TCF4: variants seen among roughly 807,000 people sequenced by gnomAD.
The protein encoded by TCF4 is transcription factor 4, also known as SL3-3 enhancer factor 2.
Under a neutral mutation model 82.1 loss-of-function variants are expected in TCF4, and 3 were observed. The observed-to-expected ratio is 0.04, with a 90% confidence interval of 0.02 to 0.09. The LOEUF is 0.09. Among genes scored for constraint, TCF4 ranks in the 10% least tolerant of loss-of-function variants. The pLI is 1.00. For missense variants in TCF4, 518 were observed against 852.7 expected (o/e 0.61, Z 4.89); for synonymous variants, 276 against 309.6 (o/e 0.89, Z 1.14).
At chr18:55,567,864 A>G (rs889305089) in intron 3 of TCF4, among the ~76,000 whole-genome samples, 1 of 152,224 alleles carries the variant, frequency 6.6e-6, no homozygotes, top group African/African-American at 2.4e-5. Flanking sequence ...ACAAATATCA[A>G]AGAACTGTTG....
Position 55,401,084 on chromosome 18 carries a change from T to G in TCF4, c.369+2370A>C, listed in dbSNP as rs2093788222. ...AGATACTGAGATTTTGCCTTTCTCT[T>G]TGGTTTGCATAGCTGATGTTGTAGA... On this transcript the variant is annotated intron_variant, in intron 6 of 19. Coordinates refer to ENST00000354452, the MANE Select transcript of TCF4 (RefSeq NM_001083962.2). The G allele has an allele frequency of 3.1e-6, 4 of 1,288,930 alleles. No individual in the cohort carries two copies. The South Asian group carries it at 4.9e-5, about 16-fold the overall frequency. 79.8% of individuals were successfully genotyped at this position (1,288,930 alleles called of 1,614,324 possible).
intron 12 of TCF4, among the ~76,000 whole-genome samples, chr18:55,260,439 G>T (rs2057801987): frequency 6.6e-6 from 1 of 152,138 alleles, no homozygotes; most frequent in African/African-American, 2.4e-5. Flanking sequence ...GCATCAGAAG[G>T]CCCAGATGAA....
At position 55,566,848 on chromosome 18, in the gene TCF4, G is replaced by A. The variant is rs139223038; in HGVS notation, c.145+18432C>T. On this transcript the variant is annotated intron_variant, in intron 3 of 19. Coordinates refer to ENST00000354452, the MANE Select transcript of TCF4 (RefSeq NM_001083962.2). ...GGAAATAAAAGCTGATAATTTTTCT[G>A]AATTGGAGGGAGACATGAAGCCACA... 1.4e-4 allele frequency among the ~76,000 whole-genome samples: 22 copies of A among 152,298 alleles called. No homozygotes were observed. In the East Asian group the frequency reaches 4.2e-3, roughly 29 times the overall value.
chr18:55,380,240 G>T (rs2145839976), intron 6 of TCF4, among the ~76,000 whole-genome samples: 1 of 152,010 alleles, frequency 6.6e-6, no homozygotes, highest in Non-Finnish European at 1.5e-5. Context: ...GAAGAGAGAA[G>T]GCTGGCTAGC....
At chr18:55,370,816 G>C (rs768983221) in intron 6 of TCF4, among the ~76,000 whole-genome samples, 4 of 152,202 alleles carry the variant, frequency 2.6e-5, no homozygotes, top group Non-Finnish European at 5.9e-5. Flanking sequence ...TATTAACTAA[G>C]AGCCAGTTAG....
chr18:55,368,064 A>G (rs1292930265), intron 6 of TCF4, among the ~76,000 whole-genome samples: 2 of 152,202 alleles, frequency 1.3e-5, no homozygotes, highest in Non-Finnish European at 2.9e-5. Flanking sequence ...AGCAAATAAC[A>G]TATCCAAGAT....
chr18:55,580,715 T>C (rs937563527), intron 3 of TCF4, among the ~76,000 whole-genome samples: 1 of 151,298 alleles, frequency 6.6e-6, no homozygotes, highest in Non-Finnish European at 1.5e-5. Flanking sequence ...TGTTTGCCTA[T>C]ATAATCTTGC....
At chr18:55,621,530 A>ATT in intron 2 of TCF4, among the ~76,000 whole-genome samples, 1 of 57,302 alleles carries the variant, frequency 1.7e-5, no homozygotes, top group African/African-American at 7.1e-5. Flanking sequence ...AATATTATAT[A>ATT]ATATATATAT....
intron 15 of TCF4, among the ~76,000 whole-genome samples, chr18:55,235,062 T>C (rs2048978832): frequency 6.6e-6 from 1 of 152,154 alleles, no homozygotes; most frequent in Non-Finnish European, 1.5e-5. Context: ...AATTCCCCCA[T>C]TGCTATCGGA....
At chr18:55,589,552 C>G, upstream of TCF4, 1 of 1,044,216 alleles carries the variant, frequency 9.6e-7, no homozygotes, top group Non-Finnish European at 1.2e-6. Flanking sequence ...AATCCAACAA[C>G]TTTTTCTTAT....
intron 6 of TCF4, among the ~76,000 whole-genome samples, chr18:55,365,156 AATATAT>A (rs139574594): frequency 0.044 from 3,699 of 83,496 alleles, 169 homozygotes; most frequent in South Asian, 0.12. Flanking sequence ...CCATCTCCAA[AATATAT>A]ATATATATAT....
intron 2 of TCF4, among the ~76,000 whole-genome samples, chr18:55,627,914 G>T (rs1452470065): frequency 6.6e-6 from 1 of 152,088 alleles, no homozygotes; most frequent in Non-Finnish European, 1.5e-5. Context: ...CAAAAAATTA[G>T]CAGGGCGTGG....
intron 2 of TCF4, among the ~76,000 whole-genome samples, chr18:55,617,811 C>CTGTGTGTGTGTGTGTGTG (rs74182107): frequency 2.1e-5 from 3 of 140,610 alleles, no homozygotes; most frequent in South Asian, 4.9e-4. Context: ...TTAATTCTAA[C>CTGTGTGTGTGTGTGTGTG]TGTGTGTGTG....
intron 15 of TCF4, among the ~76,000 whole-genome samples, chr18:55,244,809 T>C (rs2052528148): frequency 1.3e-5 from 2 of 152,208 alleles, no homozygotes; most frequent in South Asian, 4.1e-4. Flanking sequence ...ACTACCATTC[T>C]CCAATAACTT....
intron 8 of TCF4, 88 bp downstream of exon 8, chr18:55,350,271 T>C (rs950284586): frequency 7.1e-6 from 10 of 1,407,242 alleles, no homozygotes; most frequent in African/African-American, 2.8e-5. Flanking sequence ...TCTGGGCGCA[T>C]GGAAACTCAT....
chr18:55,585,925 C>T (rs2097640325), intron 2 of TCF4: 1 of 1,252,080 alleles, frequency 8.0e-7, no homozygotes, highest in Non-Finnish European at 1.0e-6. Flanking sequence ...TTATTTCGAC[C>T]CTAATTGGTT....
intron 3 of TCF4, among the ~76,000 whole-genome samples, chr18:55,584,192 G>C (rs2097608376): frequency 6.6e-6 from 1 of 152,080 alleles, no homozygotes; most frequent in Admixed American, 6.6e-5. Flanking sequence ...TCACATAAGT[G>C]AACAAACTTC....
At chr18:55,397,426 A>G (rs1238249747) in intron 6 of TCF4, among the ~76,000 whole-genome samples, 5 of 152,188 alleles carry the variant, frequency 3.3e-5, no homozygotes, top group African/African-American at 9.7e-5. Context: ...TAAAGTCACT[A>G]TCATTCAAAC....
At chr18:55,369,944 T>C (rs2088480235) in intron 6 of TCF4, among the ~76,000 whole-genome samples, 1 of 151,974 alleles carries the variant, frequency 6.6e-6, no homozygotes, top group South Asian at 2.1e-4. Context: ...TGTTTGAAAA[T>C]GCATTCTGCA....
Sources: allele counts gnomAD v4.1 joint callset (sites outside exome capture counted in the v4.1 genomes callset), GRCh38; gene constraint gnomAD v4.1.1; transcripts MANE v1.5; gene names NCBI Gene and HGNC (gene_info 2026-07-23, HGNC 2026-07-21).